The following STAU1 variants were observed in gnomAD, a reference collection of about 807,000 sequenced individuals.
STAU1 encodes staufen double-stranded RNA binding protein 1, also known as double-stranded RNA-binding protein Staufen homolog 1.
In STAU1, 13 loss-of-function variants were observed where a neutral mutation model predicts 62.9. The observed-to-expected ratio is 0.21, with a 90% confidence interval of 0.13 to 0.33. The LOEUF (loss-of-function observed/expected upper bound fraction) is 0.33. Among genes scored for constraint, STAU1 ranks in the 10% least tolerant of loss-of-function variants. The probability of loss-of-function intolerance (pLI) is 1.00; values close to 1 mark genes in which losing one functional copy is unlikely to be tolerated. For synonymous variants in STAU1, 269 were observed against 265.1 expected (o/e 1.01, Z -0.14); for missense variants, 571 against 712.1 (o/e 0.80, Z 2.25).
intron 6 of STAU1, 101 bp downstream of exon 6, chr20:49,135,732 T>C: frequency 2.4e-6 from 2 of 847,944 alleles, no homozygotes; most frequent in Admixed American, 5.4e-5. Flanking sequence ...GTTCACATTA[T>C]GTGAAGATTA....
chr20:49,134,782 TA>T (rs1568851688), intron 6 of STAU1: 1 of 1,197,604 alleles, frequency 8.4e-7, no homozygotes, highest in Non-Finnish European at 1.2e-6. Flanking sequence ...TGGGAATCAT[TA>T]GTTTTCCCAT....
chr20:49,162,592 G>T (rs1370594062), intron 3 of STAU1, among the ~76,000 whole-genome samples: 2 of 151,892 alleles, frequency 1.3e-5, no homozygotes, highest in African/African-American at 4.8e-5. Flanking sequence ...GGCTAACAAG[G>T]TGAAACCCCA....
intron 13 of STAU1, 138 bp from the exon 14 acceptor site, chr20:49,115,031 C>T: frequency 2.5e-6 from 2 of 799,082 alleles, no homozygotes; most frequent in East Asian, 5.3e-5. Context: ...AAAGTTTTCC[C>T]AGGGTATGCC....
chr20:49,143,856 G>GA (rs1181649794), intron 5 of STAU1, among the ~76,000 whole-genome samples: 1 of 152,034 alleles, frequency 6.6e-6, no homozygotes, highest in African/African-American at 2.4e-5. Context: ...ATATATACCT[G>GA]AAAAAAAGCA....
At chr20:49,126,862 G>C (rs959485884) in intron 6 of STAU1, among the ~76,000 whole-genome samples, 1 of 150,892 alleles carries the variant, frequency 6.6e-6, no homozygotes, top group South Asian at 2.1e-4. Context: ...TGCATGGAGC[G>C]GGGTGGGGGG....
the STAU1 span, among the ~76,000 whole-genome samples, chr20:49,200,585 AG>A: frequency 6.6e-6 from 1 of 151,508 alleles, no homozygotes; most frequent in Non-Finnish European, 1.5e-5. Flanking sequence ...TGGGCGACAG[AG>A]CAAGACTCCG....
chr20:49,146,389 A>C (rs1472114634), intron 5 of STAU1, among the ~76,000 whole-genome samples: 10 of 152,222 alleles, frequency 6.6e-5, no homozygotes, highest in African/African-American at 2.2e-4. Context: ...TCATTTTTAC[A>C]AAAGTATAAA....
At chr20:49,134,450 G>C (rs1298411103) in intron 6 of STAU1, 3 of 493,898 alleles carry the variant, frequency 6.1e-6, no homozygotes, top group Non-Finnish European at 1.1e-5. Context: ...AAAAAAAAAA[G>C]CTCTGGGTTG....
the STAU1 span, among the ~76,000 whole-genome samples, chr20:49,200,825 AG>A: frequency 6.6e-6 from 1 of 151,748 alleles, no homozygotes; most frequent in African/African-American, 2.4e-5. Flanking sequence ...ACCTGAGCCC[AG>A]GAGTTTGAGA....
At chr20:49,144,987 A>G (rs865989764) in intron 5 of STAU1, among the ~76,000 whole-genome samples, 1 of 152,178 alleles carries the variant, frequency 6.6e-6, no homozygotes, top group Non-Finnish European at 1.5e-5. Context: ...GATCCAAAAG[A>G]CCCCTATGAT....
chr20:49,217,879 T>C, the STAU1 span, among the ~76,000 whole-genome samples: 1 of 151,192 alleles, frequency 6.6e-6, no homozygotes, highest in East Asian at 1.9e-4. Context: ...TAAAATAAAA[T>C]AATTTTTTTT....
chr20:49,125,097 A>G (rs1014147423), intron 6 of STAU1, among the ~76,000 whole-genome samples: 4 of 130,608 alleles, frequency 3.1e-5, no homozygotes, highest in Non-Finnish European at 6.8e-5. Context: ...AAAAACCCAC[A>G]AAAGAGTATA....
At chr20:49,184,658 T>C (rs2093766506) in intron 1 of STAU1, among the ~76,000 whole-genome samples, 2 of 152,350 alleles carry the variant, frequency 1.3e-5, no homozygotes, top group South Asian at 4.1e-4. Context: ...ACTATATTTA[T>C]GGTAACAATT....
chr20:49,117,923 T>C lies in STAU1; in HGVS notation c.1363A>G (p.Ile455Val), dbSNP rs766039331. The change falls in exon 11 of 14, where the codon ATA (isoleucine) becomes GTA (valine). Residue 455 changes from isoleucine (I) to valine (V), a missense_variant. Ile to Val is a conservative substitution (Grantham distance 29, BLOSUM62 3). Around this residue, in one of 3 missense-constraint regions of STAU1, gnomAD observed 156 missense variants for 194.7 expected, o/e 0.80. Transcript: ENST00000371856. The surrounding 1 kb of genome is among the most constrained non-coding windows in gnomAD (Gnocchi z 4.6). ...CCCCCATACAACAACTCTCGGGCTA[T>C]CATGGCAGTTACCGTGGCCTTGGCA... ...NPAKATVTAM[I>V]ARELLYGGTS... The C allele has an allele frequency of 1.9e-6, 3 of 1,614,208 alleles. No individual in the cohort carries two copies. The South Asian group carries it at 3.3e-5, about 18-fold the overall frequency.
intron 5 of STAU1, among the ~76,000 whole-genome samples, chr20:49,139,510 A>C (rs2092961062): frequency 6.6e-6 from 1 of 152,142 alleles, no homozygotes; most frequent in African/African-American, 2.4e-5. Flanking sequence ...GGGTCACCTG[A>C]GGTCAGAGGT....
intron 1 of STAU1, among the ~76,000 whole-genome samples, chr20:49,177,122 G>A (rs1264845838): frequency 1.3e-5 from 2 of 151,976 alleles, no homozygotes; most frequent in Admixed American, 6.6e-5. Flanking sequence ...ATGTTAGCCA[G>A]GCTGGTCTCG....
chr20:49,116,988 A>G lies in STAU1; in HGVS notation c.1632+138T>C, dbSNP rs1568811692. ...ACAAAAAGTCTTCAAAAATATGAAC[A>G]CTATCAAACGATTCATTGCTCTCAA... On this transcript the variant is annotated intron_variant, in intron 12 of 13. Coordinates refer to ENST00000371856, the MANE Select transcript of STAU1 (RefSeq NM_017453.4). 4.5e-6 allele frequency: 5 copies of G among 1,108,964 alleles called. No homozygotes were observed. In the Admixed American group the frequency reaches 1.3e-4, roughly 29 times the overall value. 68.7% of individuals were successfully genotyped at this position (1,108,964 alleles called of 1,614,324 possible). A position where few individuals can be genotyped will look rare whatever the true frequency, so the allele number is the denominator to read the frequency against.
At chr20:49,149,404 T>C (rs952315440) in intron 5 of STAU1, among the ~76,000 whole-genome samples, 14 of 152,050 alleles carry the variant, frequency 9.2e-5, no homozygotes, top group Admixed American at 4.6e-4. Context: ...CTACACCTAT[T>C]GCATTAGAAT....
chr20:49,137,967 AC>A (rs930640538), intron 5 of STAU1, among the ~76,000 whole-genome samples: 8 of 151,508 alleles, frequency 5.3e-5, no homozygotes, highest in Admixed American at 3.3e-4. Context: ...GACATGAGCC[AC>A]CGTGTCTGGC....
Sources: allele counts gnomAD v4.1 joint callset (sites outside exome capture counted in the v4.1 genomes callset), GRCh38; gene constraint gnomAD v4.1.1; regional missense constraint gnomAD v4.1.1; non-coding constraint Gnocchi (gnomAD v3.1); transcripts MANE v1.5; gene names NCBI Gene and HGNC (gene_info 2026-07-23, HGNC 2026-07-21).